The following DENND1B variants were observed in gnomAD, a reference collection of about 807,000 sequenced individuals.
The protein encoded by DENND1B is DENN domain containing 1B, also known as DENN domain-containing protein 1B.
Under a neutral mutation model 90.1 loss-of-function variants are expected in DENND1B, and 59 were observed. That is an observed-to-expected ratio of 0.65 (90% CI 0.53 to 0.81). DENND1B has a LOEUF of 0.81. DENND1B is among the 40% of genes least tolerant of loss of function. The pLI is 0.00. For missense variants in DENND1B, 862 were observed against 912.6 expected (o/e 0.94, Z 0.71); for synonymous variants, 337 against 324.6 (o/e 1.04, Z -0.41).
At position 197,517,923 on chromosome 1, in the gene DENND1B, T is replaced by TTTTGTTTG. The variant is rs10658464; in HGVS notation, c.1516-4978_1516-4971dup. On this transcript the variant is annotated intron_variant, in intron 20 of 22. Transcript: ENST00000620048. Reference sequence around the variant, plus strand: ...GGCTCTTCCCCCCAGCCTCCCCATGTTTTGTTTGTTTGTTTGTTTGTTTTT... The same window carrying TTTTGTTTG: ...GGCTCTTCCCCCCAGCCTCCCCATGTTTTGTTTGTTTGTTTGTTTGTTTGTTTGTTTTT... Among the ~76,000 whole-genome samples, 636 of 150,932 alleles carry TTTTGTTTG rather than the reference T, an allele frequency of 4.2e-3. 3 individuals carry two copies. The highest frequency in any genetic ancestry group is 0.01 in the Middle Eastern group (3 of 294).
At chr1:197,737,242 T>C (rs1662784320) in intron 2 of DENND1B, among the ~76,000 whole-genome samples, 2 of 152,180 alleles carry the variant, frequency 1.3e-5, no homozygotes, top group Non-Finnish European at 2.9e-5. Context: ...GTCGAAGTGG[T>C]TGGATCTAAG....
intron 15 of DENND1B, among the ~76,000 whole-genome samples, chr1:197,580,380 C>T (rs1674125149): frequency 1.3e-5 from 2 of 151,188 alleles, no homozygotes; most frequent in South Asian, 4.2e-4. Flanking sequence ...TTACAGGTAC[C>T]TGTTGCTAGG....
At chr1:197,579,430 CTATT>C in intron 15 of DENND1B, among the ~76,000 whole-genome samples, 1 of 152,034 alleles carries the variant, frequency 6.6e-6, no homozygotes, top group East Asian at 1.9e-4. Context: ...CTTTTTTCTC[CTATT>C]TAAATAAATT....
chr1:197,547,226 C>T (rs1453519415), intron 16 of DENND1B, among the ~76,000 whole-genome samples: 1 of 151,918 alleles, frequency 6.6e-6, no homozygotes, highest in African/African-American at 2.4e-5. Flanking sequence ...TAAGATTATG[C>T]CACTGCACTC....
At chr1:197,746,478 T>A (rs1663765478) in intron 2 of DENND1B, among the ~76,000 whole-genome samples, 1 of 152,146 alleles carries the variant, frequency 6.6e-6, no homozygotes, top group South Asian at 2.1e-4. Context: ...ATACCATGGG[T>A]CTATACAAAT....
rs369046501 is a variant in DENND1B at position 197,702,791 on chromosome 1, G to GTGT, written c.126+12237_126+12239dup. On this transcript the variant is annotated intron_variant, in intron 3 of 22. Transcript: ENST00000620048. ...AAGTTCTCAATCATCTACCCCTCAA[G>GTGT]TGTTGTTGTTGTTGTTGTTTTCCTG... 3.7e-4 allele frequency among the ~76,000 whole-genome samples: 57 copies of GTGT among 152,076 alleles called. No individual in the cohort carries two copies. In the East Asian group the frequency reaches 8.1e-3, roughly 22 times the overall value.
chr1:197,756,129 T>A (rs1409403751), intron 2 of DENND1B, among the ~76,000 whole-genome samples: 1 of 152,246 alleles, frequency 6.6e-6, no homozygotes, highest in Non-Finnish European at 1.5e-5. Flanking sequence ...AGAATTATCC[T>A]ACACATAGTC....
chr1:197,695,918 T>C (rs903088700), intron 3 of DENND1B, among the ~76,000 whole-genome samples: 1 of 151,262 alleles, frequency 6.6e-6, no homozygotes, highest in Admixed American at 6.6e-5. Context: ...AACTAATCAT[T>C]CCTACCAAAT....
chr1:197,632,774 C>G (rs890479930), intron 10 of DENND1B, among the ~76,000 whole-genome samples: 7 of 152,084 alleles, frequency 4.6e-5, no homozygotes, highest in Admixed American at 4.6e-4. Context: ...TTTTAAGATG[C>G]CACTTGGCTA....
rs770411994 is a variant in DENND1B, at chr1:197,540,022, G to A, written c.1457C>T (p.Pro486Leu). ...GTCSSSVQYTPVYKLHNEKGG... is the reference protein window; with the variant it reads ...GTCSSSVQYTLVYKLHNEKGG... ...CTTTTCATTGTGTAATTTGTAAACT[G>A]GTGTATATTGTACAGAACTAGAACA... Residue 486 changes from proline to leucine, a missense_variant, in exon 20 of 23, where the codon CCA becomes CTA. Transcript: ENST00000620048. 12 of 1,612,996 alleles carry A rather than the reference G, an allele frequency of 7.4e-6. No homozygotes were observed. Among genetic ancestry groups the A allele is most frequent in the Non-Finnish European group, 9.3e-6 (11 of 1,179,464 alleles).
chr1:197,739,992 T>C (rs1663065398), intron 2 of DENND1B, among the ~76,000 whole-genome samples: 1 of 152,212 alleles, frequency 6.6e-6, no homozygotes, highest in African/African-American at 2.4e-5. Flanking sequence ...CACTATCAAA[T>C]ATAATTTTGC....
chr1:197,735,813 A>C (rs1662618252), intron 2 of DENND1B: 1 of 1,609,168 alleles, frequency 6.2e-7, no homozygotes, highest in Non-Finnish European at 8.5e-7. Flanking sequence ...AAAGAAGCAC[A>C]AAAAGGGACA....
rs751717901 is a variant in DENND1B, at chr1:197,595,289, C to A, written c.966G>T (p.Thr322=). The change falls in exon 14 of 23, where the codon ACG becomes ACT. Residue 322 remains threonine (T), a synonymous_variant. Coordinates refer to ENST00000620048, the MANE Select transcript of DENND1B (RefSeq NM_001195215.2). The part of the protein sequence containing the change: ...KNKLKKQSTA[T]GDGVARAFLR... ...GAAAGGCCCTAGCTACTCCATCACC[C>A]GTAGCTGTAGACTGCTTCTTCAGTT... 4 of 1,613,210 alleles carry A rather than the reference C, an allele frequency of 2.5e-6. No homozygotes were observed. In the East Asian group the frequency reaches 8.9e-5, roughly 36 times the overall value.
intron 20 of DENND1B, among the ~76,000 whole-genome samples, chr1:197,520,444 G>A (rs1558195896): frequency 6.6e-6 from 1 of 151,866 alleles, no homozygotes; most frequent in Non-Finnish European, 1.5e-5. Flanking sequence ...ATACTGATAA[G>A]TAGTGTCAAA....
intron 10 of DENND1B, among the ~76,000 whole-genome samples, chr1:197,629,801 C>CT (rs2125893792): frequency 6.6e-6 from 1 of 152,046 alleles, no homozygotes; most frequent in African/African-American, 2.4e-5. Flanking sequence ...GAGGGCATAT[C>CT]TGATAAGAGC....
intron 2 of DENND1B, chr1:197,735,250 A>G (rs2102336365): frequency 1.8e-6 from 2 of 1,099,996 alleles, no homozygotes; most frequent in South Asian, 2.7e-5. Context: ...AAATGATTAC[A>G]GTACCAAATA....
At chr1:197,511,983 C>T (rs1668061765) in intron 21 of DENND1B, 39 bp from the exon 22 acceptor site, 1 of 1,487,956 alleles carries the variant, frequency 6.7e-7, no homozygotes. Flanking sequence ...GGTAAATAAC[C>T]ATATTTGCTG....
chr1:197,723,904 GA>G (rs1472061168), intron 2 of DENND1B, among the ~76,000 whole-genome samples: 4 of 152,000 alleles, frequency 2.6e-5, no homozygotes, highest in African/African-American at 9.7e-5. Flanking sequence ...TTAACTCTTT[GA>G]AGTAAAATAT....
At chr1:197,749,407 G>GA (rs888552252) in intron 2 of DENND1B, among the ~76,000 whole-genome samples, 46 of 147,796 alleles carry the variant, frequency 3.1e-4, no homozygotes, top group African/African-American at 1.1e-3. Flanking sequence ...GCAGACAAAG[G>GA]AAAAAAAAAG....
Sources: allele counts gnomAD v4.1 joint callset (sites outside exome capture counted in the v4.1 genomes callset), GRCh38; gene constraint gnomAD v4.1.1; transcripts MANE v1.5; gene names NCBI Gene and HGNC (gene_info 2026-07-23, HGNC 2026-07-21).